The following MYCT1 variants were observed in gnomAD, a reference collection of about 807,000 sequenced individuals.
MYCT1 encodes MYC target 1, also known as myc target protein 1.
Under a neutral mutation model 15.0 loss-of-function variants are expected in MYCT1, and 12 were observed. The observed-to-expected ratio is 0.80, with a 90% CI of 0.51 to 1.29. The LOEUF (loss-of-function observed/expected upper bound fraction) is 1.29, where lower values mean the gene tolerates loss of function less well. Ranked by LOEUF, MYCT1 falls within the 50% of genes most tolerant of loss-of-function variation. The probability of loss-of-function intolerance (pLI) is 0.00; values close to 1 mark genes in which losing one functional copy is unlikely to be tolerated. For synonymous variants in MYCT1, 104 were observed against 102.7 expected, an observed-to-expected ratio of 1.01 and a Z score of -0.07; for missense variants, 287 against 279.1, an observed-to-expected ratio of 1.03 and a Z score of -0.20.
Position 152,722,348 on chromosome 6 carries a change from A to C in MYCT1, c.*95A>C. 1 of 1,273,182 alleles carries C rather than the reference A, an allele frequency of 7.9e-7. No homozygotes were observed. The highest frequency in any genetic ancestry group is 1.1e-6 in the Non-Finnish European group (1 of 932,074). 78.9% of individuals were successfully genotyped at this position (1,273,182 alleles called of 1,614,324 possible). ...AAACAGAATTTTGAGGGCATGGCCC[A>C]AATAACTCATGAGTTCCAAGTTGAA... On this transcript the variant is annotated 3_prime_UTR_variant, in exon 2 of 2. Coordinates refer to ENST00000367245, the MANE Select transcript of MYCT1 (RefSeq NM_025107.3).
intron 1 of MYCT1, among the ~76,000 whole-genome samples, chr6:152,705,266 A>G (rs1049338661): frequency 2.6e-5 from 4 of 152,232 alleles, no homozygotes; most frequent in African/African-American, 9.6e-5. Context: ...GAGCAAAATC[A>G]TCTAACACCA....
intron 1 of MYCT1, among the ~76,000 whole-genome samples, chr6:152,701,154 A>C (rs180914185): frequency 3.0e-4 from 46 of 152,318 alleles, no homozygotes; most frequent in African/African-American, 1.0e-3. Flanking sequence ...CAGGGAGATA[A>C]TTCTAAGAAG....
intron 1 of MYCT1, among the ~76,000 whole-genome samples, chr6:152,703,940 T>TTTTTATTTTATTTTATTTTATTTTA: frequency 8.1e-6 from 1 of 123,106 alleles, no homozygotes; most frequent in Non-Finnish European, 1.7e-5. Context: ...TTTTCCCTGT[T>TTTTTATTTTATTTTATTTTATTTTA]TTTTATTTTA....
chr6:152,712,610 GC>G (rs1382115331), intron 1 of MYCT1, among the ~76,000 whole-genome samples: 1 of 16,626 alleles, frequency 6.0e-5, no homozygotes, highest in Non-Finnish European at 2.0e-4. Context: ...CACCCTGGGA[GC>G]TGTAGACCGG....
chr6:152,716,255 A>G (rs2099723663), intron 1 of MYCT1, among the ~76,000 whole-genome samples: 1 of 152,190 alleles, frequency 6.6e-6, no homozygotes, highest in Admixed American at 6.5e-5. Flanking sequence ...TTAAATTATT[A>G]TAATCAATCA....
rs949681700 is a variant in MYCT1 at position 152,723,945 on chromosome 6, A to G, written c.*1692A>G. 3 of 152,320 alleles carry G rather than the reference A, an allele frequency of 2.0e-5. No homozygotes were observed. The highest frequency in any genetic ancestry group is 4.4e-5 in the Non-Finnish European group (3 of 68,026). The allele number at this position is 152,320 out of a possible 1,614,324, so 9.4% of individuals were successfully genotyped here. A position where few individuals can be genotyped will look rare whatever the true frequency, so the allele number is the denominator to read the frequency against. ...TGGTCACAGCTAATAGTGTCTGAAC[A>G]TGGTTCAAGAATAAGAGATTCCATG... On this transcript the variant is annotated 3_prime_UTR_variant, in exon 2 of 2. Transcript: ENST00000367245.
chr6:152,727,210 C>CAAA (rs1187850671), downstream of MYCT1, among the ~76,000 whole-genome samples: 81 of 78,266 alleles, frequency 1.0e-3, no homozygotes, highest in South Asian at 7.5e-3. Context: ...GACTCAGTCT[C>CAAA]AAAAAAAAAA....
At chr6:152,717,815 G>T (rs867912532) in intron 1 of MYCT1, among the ~76,000 whole-genome samples, 2 of 151,732 alleles carry the variant, frequency 1.3e-5, no homozygotes, top group Non-Finnish European at 2.9e-5. Context: ...TTCATGATGC[G>T]TGTACTCTAC....
rs892920090 is a variant in MYCT1 at position 152,722,906 on chromosome 6, AT to A, written c.*662del. On this transcript the variant is annotated 3_prime_UTR_variant, in exon 2 of 2. Coordinates refer to ENST00000367245, the MANE Select transcript of MYCT1 (RefSeq NM_025107.3). The stretch of plus-strand genomic sequence containing the variant: ...GGGGTGCACTACCACACCGGGTTGA[AT>A]TTTTTTTTAATTTTAGTAGAGATGA... The A allele has an allele frequency of 2.2e-4, 37 of 171,854 alleles. No individual in the cohort carries two copies. The highest frequency in any genetic ancestry group is 6.8e-4 in the South Asian group (6 of 8,836). 10.6% of individuals were successfully genotyped at this position (171,854 alleles called of 1,614,324 possible).
chr6:152,744,897 C>A, the MYCT1 span, among the ~76,000 whole-genome samples: 451 of 152,260 alleles, frequency 3.0e-3, 4 homozygotes, highest in African/African-American at 0.01. Context: ...AAACTCAGGG[C>A]TCCTGGGAGG....
chr6:152,704,452 CTTTTTAT>C (rs975197263), intron 1 of MYCT1, among the ~76,000 whole-genome samples: 4 of 152,048 alleles, frequency 2.6e-5, no homozygotes, highest in African/African-American at 9.7e-5. Flanking sequence ...CTTTATTCTC[CTTTTTAT>C]TTTTTAAACA....
chr6:152,735,144 A>T, the MYCT1 span, among the ~76,000 whole-genome samples: 1 of 152,206 alleles, frequency 6.6e-6, no homozygotes, highest in Non-Finnish European at 1.5e-5. Flanking sequence ...GGTGTAAATT[A>T]TTAGGATATC....
At chr6:152,704,035 C>T (rs983339151) in intron 1 of MYCT1, among the ~76,000 whole-genome samples, 1 of 149,734 alleles carries the variant, frequency 6.7e-6, no homozygotes, top group Non-Finnish European at 1.5e-5. Flanking sequence ...TCTCACTCTG[C>T]CACATGGGTG....
intron 1 of MYCT1, among the ~76,000 whole-genome samples, chr6:152,700,524 A>T (rs959803659): frequency 2.6e-5 from 4 of 152,126 alleles, no homozygotes; most frequent in Non-Finnish European, 5.9e-5. Flanking sequence ...GCTATCACCC[A>T]CTAAAACTTC....
intron 1 of MYCT1, among the ~76,000 whole-genome samples, chr6:152,717,938 A>T (rs1032959189): frequency 6.6e-6 from 1 of 152,074 alleles, no homozygotes; most frequent in Non-Finnish European, 1.5e-5. Flanking sequence ...TAAATAGCCT[A>T]TTATTGTGTG....
chr6:152,737,471 T>C, the MYCT1 span, among the ~76,000 whole-genome samples: 1 of 152,088 alleles, frequency 6.6e-6, no homozygotes, highest in African/African-American at 2.4e-5. Flanking sequence ...ACTGTATTTA[T>C]GTGGTGGAGC....
chr6:152,718,435 T>G (rs2099724117), intron 1 of MYCT1, among the ~76,000 whole-genome samples: 1 of 152,174 alleles, frequency 6.6e-6, no homozygotes, highest in South Asian at 2.1e-4. Context: ...TTTTTACTTT[T>G]TGTAGAGACA....
chr6:152,698,209 ATTAC>A (rs1292714538), intron 1 of MYCT1, 111 bp downstream of exon 1: 5 of 520,430 alleles, frequency 9.6e-6, no homozygotes, highest in Admixed American at 4.2e-5. Context: ...CTATAATGTG[ATTAC>A]TTAAAGTTTT....
chr6:152,734,944 A>G, the MYCT1 span, among the ~76,000 whole-genome samples: 1 of 152,224 alleles, frequency 6.6e-6, no homozygotes, highest in Admixed American at 6.5e-5. Context: ...GGAAATTTGG[A>G]AATTTGTTTT....
Sources: allele counts gnomAD v4.1 joint callset (sites outside exome capture counted in the v4.1 genomes callset), GRCh38; gene constraint gnomAD v4.1.1; transcripts MANE v1.5; gene names NCBI Gene and HGNC (gene_info 2026-07-23, HGNC 2026-07-21).